Variants in AHDC1 observed in about 807,000 individuals in gnomAD.
The protein encoded by AHDC1 is transcription factor Gibbin.
AHDC1 carries 7 observed loss-of-function variants against 87.9 expected under a neutral mutation model. The observed-to-expected ratio is 0.08, with a 90% CI of 0.05 to 0.15. The LOEUF (loss-of-function observed/expected upper bound fraction) is 0.15, where lower values mean the gene tolerates loss of function less well. AHDC1 is among the 10% of genes least tolerant of loss of function. The probability of loss-of-function intolerance (pLI) is 1.00; values close to 1 mark genes in which losing one functional copy is unlikely to be tolerated. For missense variants in AHDC1, 1,841 were observed against 2,253.2 expected (o/e 0.82, Z 3.70); for synonymous variants, 1,051 against 1,006.8 (o/e 1.04, Z -0.83).
At chr1:27,552,234 T>A in intron 7 of AHDC1, 45 bp from the exon 8 acceptor site, 1 of 1,393,378 alleles carries the variant, frequency 7.2e-7, no homozygotes, top group South Asian at 1.8e-5. Context: ...AACACCTACA[T>A]CCTCATCAGC....
chr1:27,573,590 G>C (rs1157849583), intron 3 of AHDC1, among the ~76,000 whole-genome samples: 1 of 152,160 alleles, frequency 6.6e-6, no homozygotes, highest in Admixed American at 6.5e-5. Flanking sequence ...GTGGGATCCA[G>C]GCTTTGCCAA....
At position 27,551,879 on chromosome 1, in the gene AHDC1, C is replaced by T. The variant is rs1466702429; in HGVS notation, c.237G>A (p.Lys79=). The part of the protein sequence containing the change: ...PSTRRPPVLA[K]GDDPLPPRAA... ...CCCGTGGGGGCAGCGGGTCGTCCCC[C>T]TTGGCAAGGACTGGTGGGCGCCGGG... The change falls in exon 8 of 9, where the codon AAG becomes AAA. Residue 79 remains lysine, a synonymous_variant. Coordinates refer to ENST00000673934, the MANE Select transcript of AHDC1 (RefSeq NM_001371928.1). 1.2e-6 allele frequency: 2 copies of T among 1,607,306 alleles called. No homozygotes were observed. Among genetic ancestry groups the T allele is most frequent in the South Asian group, 2.2e-5 (2 of 90,780 alleles).
rs1553161359 is a variant in AHDC1, at chr1:27,560,197, G to GTTTT, written c.-628-1318_-628-1315dup. On this transcript the variant is annotated intron_variant, in intron 3 of 8. Coordinates refer to ENST00000673934, the MANE Select transcript of AHDC1 (RefSeq NM_001371928.1). The surrounding 1 kb of genome is among the most constrained non-coding windows in gnomAD (Gnocchi z 4.1). ...GCACTTTTCACGTTTATTTCTATTCGTTTTGTGTGTGTGTGTGTGTGTGTG... is the reference window on the plus strand; with the variant it reads ...GCACTTTTCACGTTTATTTCTATTCGTTTTTTTTGTGTGTGTGTGTGTGTGTGTG... 1.0e-4 allele frequency among the ~76,000 whole-genome samples: 7 copies of GTTTT among 66,884 alleles called. No homozygotes were observed. The highest frequency in any genetic ancestry group is 1.9e-4 in the Non-Finnish European group (6 of 31,970). 43.9% of individuals were successfully genotyped at this position (66,884 alleles called of 152,430 possible).
At chr1:27,574,921 G>A (rs923400164) in intron 3 of AHDC1, among the ~76,000 whole-genome samples, 4 of 152,200 alleles carry the variant, frequency 2.6e-5, no homozygotes, top group Non-Finnish European at 5.9e-5. Context: ...TCTGGACTCT[G>A]GGGCCTGCAA....
chr1:27,561,325 G>T lies in AHDC1; in HGVS notation c.-628-2442C>A, dbSNP rs1253092486. Among the ~76,000 whole-genome samples, 1 of 151,802 alleles carries T rather than the reference G, an allele frequency of 6.6e-6. No homozygotes were observed. Among genetic ancestry groups the T allele is most frequent in the East Asian group, 1.9e-4 (1 of 5,196 alleles). Reference sequence around the variant, plus strand: ...GGTGGGTGGGAGGAGTCTGCATGGGGTCTGCCTGGCCCTGAGTGTTGGGGG... The same window carrying T: ...GGTGGGTGGGAGGAGTCTGCATGGGTTCTGCCTGGCCCTGAGTGTTGGGGG... On this transcript the variant is annotated intron_variant, in intron 3 of 8. Coordinates refer to ENST00000673934, the MANE Select transcript of AHDC1 (RefSeq NM_001371928.1). This position sits in a 1 kb window ranked among gnomAD's most constrained non-coding sequence, Gnocchi z 4.2.
intron 8 of AHDC1, among the ~76,000 whole-genome samples, chr1:27,538,400 C>CAAAAAAAAAAAAAAAAAAAAAAAA (rs370786800): frequency 9.9e-5 from 6 of 60,724 alleles, no homozygotes; most frequent in African/African-American, 1.6e-4. Context: ...AAGACTGTCT[C>CAAAAAAAAAAAAAAAAAAAAAAAA]AAAAAAAAAA....
At position 27,591,211 on chromosome 1, in the gene AHDC1, C is replaced by T. The variant is rs117188180; in HGVS notation, c.-629+12186G>A. Among the ~76,000 whole-genome samples the T allele has an allele frequency of 3.3e-5, 5 of 152,278 alleles. No homozygotes were observed. In the East Asian group the frequency reaches 9.6e-4, roughly 29 times the overall value. Reference sequence around the variant, plus strand: ...GCCCTAAGGAGTCTGCCAACAGACCCCTGCACCCTCCTAGAAGCTGGGTGC... The same window carrying T: ...GCCCTAAGGAGTCTGCCAACAGACCTCTGCACCCTCCTAGAAGCTGGGTGC... On this transcript the variant is annotated intron_variant, in intron 3 of 8. Coordinates refer to ENST00000673934, the MANE Select transcript of AHDC1 (RefSeq NM_001371928.1).
chr1:27,540,333 C>T (rs1207125207), intron 8 of AHDC1, among the ~76,000 whole-genome samples: 1 of 151,992 alleles, frequency 6.6e-6, no homozygotes, highest in Non-Finnish European at 1.5e-5. Context: ...CCATCCCGTT[C>T]CCCAGGGCTT....
At chr1:27,584,019 C>T (rs2088979515) in intron 3 of AHDC1, among the ~76,000 whole-genome samples, 1 of 152,196 alleles carries the variant, frequency 6.6e-6, no homozygotes, top group South Asian at 2.1e-4. Flanking sequence ...ACATGTCTGG[C>T]ACCCAGCAGG....
intron 5 of AHDC1, chr1:27,553,624 A>C (rs2019674186): frequency 6.6e-6 from 1 of 152,188 alleles, no homozygotes; most frequent in Admixed American, 6.5e-5. Context: ...CAAACATGAG[A>C]TCAATATGAT....
intron 7 of AHDC1, 132 bp from the exon 8 acceptor site, chr1:27,552,321 C>G: frequency 1.2e-6 from 1 of 837,544 alleles, no homozygotes; most frequent in Non-Finnish European, 1.6e-6. Context: ...CTCCCCACCC[C>G]AAGCCCCATC....
chr1:27,551,458 C>T lies in AHDC1; in HGVS notation c.658G>A (p.Ala220Thr), dbSNP rs1364131053. The part of the protein sequence containing the change: ...PGQGHSPGAT[A>T]AATGLPPEPE... ...TCTGGGGGCAGACCCGTGGCCGCAG[C>T]CGTGGCTCCGGGACTATGGCCTTGG... The change falls in exon 8 of 9, where the codon GCT (alanine) becomes ACT (threonine). Residue 220 changes from alanine (A) to threonine (T), a missense_variant. Coordinates refer to ENST00000673934, the MANE Select transcript of AHDC1 (RefSeq NM_001371928.1). 6.2e-7 allele frequency: 1 copy of T among 1,611,330 alleles called. No homozygotes were observed. Among genetic ancestry groups the T allele is most frequent in the African/African-American group, 1.3e-5 (1 of 75,056 alleles).
chr1:27,588,302 G>C (rs758783648), intron 3 of AHDC1, among the ~76,000 whole-genome samples: 2 of 149,640 alleles, frequency 1.3e-5, no homozygotes, highest in Non-Finnish European at 2.9e-5. Flanking sequence ...GGAAGAGACA[G>C]GCAACAAATA....
chr1:27,549,578 C>A lies in AHDC1; in HGVS notation c.2538G>T (p.Ser846=). 5.0e-6 allele frequency: 8 copies of A among 1,613,168 alleles called. No individual in the cohort carries two copies. The highest frequency in any genetic ancestry group is 6.8e-6 in the Non-Finnish European group (8 of 1,179,998). Residue 846 remains serine, a synonymous_variant, in exon 8 of 9, where the codon TCG becomes TCT. Coordinates refer to ENST00000673934, the MANE Select transcript of AHDC1 (RefSeq NM_001371928.1). ...AGTCCAAGAGATCGGAGGAGTCATCCGAATCGAGCAGCGAGCGAAAGTAGC... is the reference window on the plus strand; with the variant it reads ...AGTCCAAGAGATCGGAGGAGTCATCAGAATCGAGCAGCGAGCGAAAGTAGC... The part of the protein sequence containing the change: ...FTGYFRSLLD[S]DDSSDLLDFA...
intron 3 of AHDC1, among the ~76,000 whole-genome samples, chr1:27,582,133 G>A (rs1296110934): frequency 6.6e-6 from 1 of 152,186 alleles, no homozygotes; most frequent in Non-Finnish European, 1.5e-5. Flanking sequence ...CCTGGACATT[G>A]ACCCACCTCG....
At chr1:27,589,079 C>G (rs758758799) in intron 3 of AHDC1, among the ~76,000 whole-genome samples, 2 of 151,900 alleles carry the variant, frequency 1.3e-5, no homozygotes, top group Non-Finnish European at 2.9e-5. Flanking sequence ...CTGCCATGGC[C>G]TCGACCACAG....
At position 27,550,129 on chromosome 1, in the gene AHDC1, G is replaced by A. The variant is rs2148282237; in HGVS notation, c.1987C>T (p.Gln663Ter). ...TTGCCCCCACGCCGCCGGAAGCCCTGCACACGATGCAGGAAGTGGGAGATG... is the reference window on the plus strand; with the variant it reads ...TTGCCCCCACGCCGCCGGAAGCCCTACACACGATGCAGGAAGTGGGAGATG... ...QSISHFLHRV[Q>*]GFRRRGGKAG... Residue 663 changes from glutamine to a stop codon, truncating the protein, a stop_gained, in exon 8 of 9, where the codon CAG (glutamine) becomes TAG (stop). Coordinates refer to ENST00000673934, the MANE Select transcript of AHDC1 (RefSeq NM_001371928.1). LOFTEE classifies it high-confidence loss of function. 6.2e-7 allele frequency: 1 copy of A among 1,610,454 alleles called. No homozygotes were observed. Among genetic ancestry groups the A allele is most frequent in the Non-Finnish European group, 8.5e-7 (1 of 1,179,892 alleles).
rs1399739879 is a variant in AHDC1 at position 27,593,718 on chromosome 1, T to A, written c.-629+9679A>T. On this transcript the variant is annotated intron_variant, in intron 3 of 8. Transcript: ENST00000673934. The surrounding 1 kb of genome is among the most constrained non-coding windows in gnomAD (Gnocchi z 4.9). ...TCTGAACCCCTCCCTATCTCACCAA[T>A]CCCTGCTATCCCCCCAGGGTGGGCA... Among the ~76,000 whole-genome samples, 1 of 152,134 alleles carries A rather than the reference T, an allele frequency of 6.6e-6. No homozygotes were observed. Among genetic ancestry groups the A allele is most frequent in the Admixed American group, 6.5e-5 (1 of 15,284 alleles).
chr1:27,563,423 C>A lies in AHDC1; in HGVS notation c.-628-4540G>T, dbSNP rs577897384. Among the ~76,000 whole-genome samples the A allele has an allele frequency of 1.3e-5, 2 of 152,318 alleles. No individual in the cohort carries two copies. The highest frequency in any genetic ancestry group is 1.3e-4 in the Admixed American group (2 of 15,304). On this transcript the variant is annotated intron_variant, in intron 3 of 8. Coordinates refer to ENST00000673934, the MANE Select transcript of AHDC1 (RefSeq NM_001371928.1). The surrounding 1 kb of genome is among the most constrained non-coding windows in gnomAD (Gnocchi z 6.1). The stretch of plus-strand genomic sequence containing the variant: ...GGAAGGCATGGACCCCTCCACCCAC[C>A]ACACAGCATGAGGCAGGGACATAAC...
Sources: gnomAD v4.1 joint callset for allele counts (sites outside exome capture counted in the v4.1 genomes callset) on GRCh38, gnomAD v4.1.1 for gene constraint, Gnocchi (gnomAD v3.1) non-coding constraint, MANE v1.5 for transcripts, NCBI Gene and HGNC (gene_info 2026-07-23, HGNC 2026-07-21) for gene names.